Variants in TET2 observed in about 807,000 individuals in gnomAD.
TET2 encodes tet methylcytosine dioxygenase 2, also known as methylcytosine dioxygenase TET2.
Under a neutral mutation model 142.9 loss-of-function variants are expected in TET2, and 299 were observed. The ratio of observed to expected loss-of-function variants is 2.09; its 90% CI spans 1.90 to 2.30. TET2 has a LOEUF of 2.30. Among genes scored for constraint, TET2 ranks in the 30% most tolerant of loss-of-function variants. The pLI, the probability that TET2 is intolerant of heterozygous loss-of-function variation, is 0.00. For synonymous variants in TET2, 819 were observed against 849.0 expected (o/e 0.96, Z 0.61); for missense variants, 2,418 against 2,378.0 (o/e 1.02, Z -0.35).
intron 2 of TET2, among the ~76,000 whole-genome samples, chr4:105,209,974 A>G (rs561614138): frequency 1.3e-5 from 2 of 152,328 alleles, no homozygotes; most frequent in East Asian, 3.9e-4. Context: ...TCTACAGACA[A>G]TAAGAACATA....
intron 1 of TET2, among the ~76,000 whole-genome samples, chr4:105,157,897 G>A (rs911738701): frequency 3.3e-5 from 5 of 152,128 alleles, no homozygotes; most frequent in African/African-American, 9.6e-5. Flanking sequence ...GGCTGGTCTC[G>A]AACTCCTGAC....
chr4:105,220,931 A>G (rs764791500), intron 2 of TET2, among the ~76,000 whole-genome samples: 5 of 152,088 alleles, frequency 3.3e-5, no homozygotes, highest in Admixed American at 2.0e-4. Flanking sequence ...AACTTCTGCA[A>G]TTTTTCTAAG....
intron 2 of TET2, among the ~76,000 whole-genome samples, chr4:105,214,092 C>G (rs1412642834): frequency 3.9e-5 from 6 of 152,058 alleles, no homozygotes; most frequent in Admixed American, 3.9e-4. Context: ...CTCAAGTGAT[C>G]CACCTGCCTT....
Position 105,277,117 on chromosome 4 carries a change from G to T in TET2, c.*598G>T, listed in dbSNP as rs1403155303. On this transcript the variant is annotated 3_prime_UTR_variant, in exon 11 of 11. Transcript: ENST00000380013. The stretch of plus-strand genomic sequence containing the variant: ...ATTTGTTTGGATGTTCTAAGAAATG[G>T]TGCTAAGAAAATGGTGTCTTTAATA... The T allele has an allele frequency of 4.3e-6, 1 of 231,544 alleles. No homozygotes were observed. Among genetic ancestry groups the T allele is most frequent in the Non-Finnish European group, 8.5e-6 (1 of 117,148 alleles). 14.3% of individuals were successfully genotyped at this position (231,544 alleles called of 1,614,324 possible). A position where few individuals can be genotyped will look rare whatever the true frequency, so the allele number is the denominator to read the frequency against.
At chr4:105,204,676 T>C (rs1464285043) in intron 2 of TET2, among the ~76,000 whole-genome samples, 2 of 152,176 alleles carry the variant, frequency 1.3e-5, no homozygotes, top group East Asian at 3.8e-4. Flanking sequence ...AGGCTCTGTG[T>C]CTCCTCTTGA....
intron 7 of TET2, among the ~76,000 whole-genome samples, chr4:105,260,009 G>C (rs906305805): frequency 7.9e-5 from 12 of 151,962 alleles, no homozygotes; most frequent in Admixed American, 3.9e-4. Context: ...AGTTTTAAAG[G>C]GGTGTCACTT....
intron 1 of TET2, among the ~76,000 whole-genome samples, chr4:105,166,937 A>G (rs1724183774): frequency 6.6e-6 from 1 of 152,064 alleles, no homozygotes; most frequent in South Asian, 2.1e-4. Context: ...TATTCTTCTC[A>G]GCACTTGATG....
chr4:105,255,174 C>G (rs182362310), intron 6 of TET2, among the ~76,000 whole-genome samples: 435 of 152,316 alleles, frequency 2.9e-3, no homozygotes, highest in African/African-American at 0.01. Flanking sequence ...AGTTTGTTCT[C>G]TAGCTCTGCT....
intron 1 of TET2, among the ~76,000 whole-genome samples, chr4:105,173,089 A>T (rs1223278643): frequency 6.6e-6 from 1 of 152,212 alleles, no homozygotes; most frequent in African/African-American, 2.4e-5. Context: ...TCAACAATAT[A>T]AATTTTCTTC....
chr4:105,277,105 T>C lies in TET2; in HGVS notation c.*586T>C, dbSNP rs1731262720. 4.3e-6 allele frequency: 1 copy of C among 232,310 alleles called. No individual in the cohort carries two copies. The highest frequency in any genetic ancestry group is 1.8e-4 in the South Asian group (1 of 5,530). 14.4% of individuals were successfully genotyped at this position (232,310 alleles called of 1,614,324 possible). ...GGAAAACACTGAATTTGTTTGGATG[T>C]TCTAAGAAATGGTGCTAAGAAAATG... is the stretch of plus-strand genomic sequence containing the variant. On this transcript the variant is annotated 3_prime_UTR_variant, in exon 11 of 11. Coordinates refer to ENST00000380013, the MANE Select transcript of TET2 (RefSeq NM_001127208.3).
At chr4:105,214,301 A>ATT (rs35390923) in intron 2 of TET2, among the ~76,000 whole-genome samples, 37,604 of 85,916 alleles carry the variant, frequency 0.44, 10,119 homozygotes, top group Non-Finnish European at 0.55. Flanking sequence ...CCCGAGGGAG[A>ATT]TTTTTTTTTT....
At chr4:105,210,183 C>T (rs1272139722) in intron 2 of TET2, among the ~76,000 whole-genome samples, 4 of 152,052 alleles carry the variant, frequency 2.6e-5, no homozygotes, top group Admixed American at 6.6e-5. Context: ...GACTAGGAGA[C>T]GATTGAAAAT....
chr4:105,251,645 T>C (rs958581181), intron 6 of TET2, among the ~76,000 whole-genome samples: 3 of 152,222 alleles, frequency 2.0e-5, no homozygotes, highest in African/African-American at 7.2e-5. Context: ...GGTATTTCAT[T>C]GAGGACTTTC....
intron 2 of TET2, among the ~76,000 whole-genome samples, chr4:105,204,394 A>C (rs1404965201): frequency 6.6e-6 from 1 of 152,164 alleles, no homozygotes; most frequent in African/African-American, 2.4e-5. Context: ...ATTTAAATGA[A>C]TAGTGAGCTA....
chr4:105,264,727 G>A (rs1305559789), intron 8 of TET2, among the ~76,000 whole-genome samples: 1 of 152,118 alleles, frequency 6.6e-6, no homozygotes, highest in Non-Finnish European at 1.5e-5. Flanking sequence ...ATTCATCCAT[G>A]TATGTTAATA....
In TET2 at chr4:105,202,297, C is replaced by T. The variant is rs537295421; in HGVS notation, c.-47+11792C>T. 5.9e-5 allele frequency: 9 copies of T among 152,202 alleles called. No homozygotes were observed. In the South Asian group the frequency reaches 1.9e-3, roughly 32 times the overall value. The allele number at this position is 152,202 out of a possible 1,614,324, so 9.4% of individuals were successfully genotyped here. The stretch of plus-strand genomic sequence containing the variant: ...TATCTTAGTTAATGAATAACTGATG[C>T]TGAAAATAATGTGAATGTCAAATTA... On this transcript the variant is annotated intron_variant, in intron 2 of 10. Transcript: ENST00000380013.
At chr4:105,171,450 CATA>C (rs545402619) in intron 1 of TET2, 62 of 152,206 alleles carry the variant, frequency 4.1e-4, no homozygotes, top group African/African-American at 1.3e-3. Context: ...TGTTATTGAT[CATA>C]ATAATATGTA....
Position 105,276,787 on chromosome 4 carries a change from A to ACAT in TET2, c.*269_*271dup. 2.6e-6 allele frequency: 1 copy of ACAT among 380,392 alleles called. No homozygotes were observed. The highest frequency in any genetic ancestry group is 3.7e-5 in the East Asian group (1 of 26,696). 23.6% of individuals were successfully genotyped at this position (380,392 alleles called of 1,614,324 possible). A position where few individuals can be genotyped will look rare whatever the true frequency, so the allele number is the denominator to read the frequency against. ...TGGGGAAGAAAGTGTTCCGCAATTT[A>ACAT]CATTTTTAAACACTGGTTCTATTAT... On this transcript the variant is annotated 3_prime_UTR_variant, in exon 11 of 11. Transcript: ENST00000380013.
intron 10 of TET2, among the ~76,000 whole-genome samples, chr4:105,274,727 A>T (rs1248804226): frequency 6.6e-6 from 1 of 152,182 alleles, no homozygotes; most frequent in Non-Finnish European, 1.5e-5. Context: ...CCAAGGAAGG[A>T]TAGGGAGAGA....
Sources: allele counts gnomAD v4.1 joint callset (sites outside exome capture counted in the v4.1 genomes callset), GRCh38; gene constraint gnomAD v4.1.1; transcripts MANE v1.5; gene names NCBI Gene and HGNC (gene_info 2026-07-23, HGNC 2026-07-21).